The following TEX26 variants were observed in gnomAD, a reference collection of about 807,000 sequenced individuals.
TEX26 encodes testis expressed 26, also known as testis-expressed protein 26.
A neutral mutation model predicts 35.3 loss-of-function variants in TEX26; 34 were observed. That is an observed-to-expected ratio of 0.96 (90% CI 0.73 to 1.28). TEX26 has a LOEUF of 1.28. TEX26 is among the 50% of genes most tolerant of loss of function. TEX26 has a pLI of 0.00. For missense variants in TEX26, 371 were observed against 330.1 expected, an observed-to-expected ratio of 1.12 and a Z score of -0.96; for synonymous variants, 136 against 111.8, an observed-to-expected ratio of 1.22 and a Z score of -1.36.
intron 2 of TEX26, among the ~76,000 whole-genome samples, chr13:30,951,317 C>T (rs1331216269): frequency 6.7e-6 from 1 of 149,520 alleles, no homozygotes; most frequent in Non-Finnish European, 1.5e-5. Flanking sequence ...GATGGTACCA[C>T]TGCACTCCAG....
chr13:30,949,090 A>T (rs1380323739), intron 2 of TEX26, among the ~76,000 whole-genome samples: 1 of 152,066 alleles, frequency 6.6e-6, no homozygotes, highest in Non-Finnish European at 1.5e-5. Flanking sequence ...GTTCTGTTCC[A>T]TTGGTCTATA....
chr13:30,935,474 ACAG>A (rs72261916), intron 1 of TEX26, among the ~76,000 whole-genome samples: 2,826 of 152,322 alleles, frequency 0.019, 40 homozygotes, highest in African/African-American at 0.038. Context: ...AGGGAAGAGG[ACAG>A]CAGCCAGAGA....
intron 6 of TEX26, among the ~76,000 whole-genome samples, chr13:30,973,981 C>T (rs1388486324): frequency 6.6e-6 from 1 of 151,366 alleles, no homozygotes. Context: ...ATTAGCTGGG[C>T]ATGGTGGTTC....
At chr13:30,947,277 T>C (rs1219921310) in intron 2 of TEX26, among the ~76,000 whole-genome samples, 1 of 152,186 alleles carries the variant, frequency 6.6e-6, no homozygotes, top group Non-Finnish European at 1.5e-5. Context: ...GTTTTGAGCA[T>C]TGTTATTTTC....
intron 1 of TEX26, among the ~76,000 whole-genome samples, chr13:30,935,588 G>T (rs2138156990): frequency 6.6e-6 from 1 of 152,302 alleles, no homozygotes; most frequent in African/African-American, 2.4e-5. Context: ...AGAAAGGAAG[G>T]AGTACCCTCT....
chr13:30,940,322 C>CTTTTTTTTTTTTT lies in TEX26; in HGVS notation c.146+561_146+573dup, dbSNP rs869246492. ...GTGGGAGTTTCTAAACATCAGCTGC[C>CTTTTTTTTTTTTT]TTTTTTTTTTTTTTTTTTTTTTTTT... On this transcript the variant is annotated intron_variant, in intron 2 of 6. Coordinates refer to ENST00000380473, the MANE Select transcript of TEX26 (RefSeq NM_152325.3). 7.9e-4 allele frequency among the ~76,000 whole-genome samples: 41 copies of CTTTTTTTTTTTTT among 52,078 alleles called. 10 individuals are homozygous for CTTTTTTTTTTTTT. Among genetic ancestry groups the CTTTTTTTTTTTTT allele is most frequent in the East Asian group, 1.3e-3 (2 of 1,514 alleles). 34.2% of individuals were successfully genotyped at this position (52,078 alleles called of 152,430 possible).
intron 1 of TEX26, 151 bp from the exon 2 acceptor site, chr13:30,939,543 G>C: frequency 3.4e-6 from 2 of 593,456 alleles, no homozygotes; most frequent in African/African-American, 1.9e-5. Context: ...ATTCCTATTA[G>C]AGGCTGTATT....
Position 30,954,045 on chromosome 13 carries a change from G to A in TEX26, c.312+1220G>A, listed in dbSNP as rs565061893. Among the ~76,000 whole-genome samples, 4 of 152,284 alleles carry A rather than the reference G, an allele frequency of 2.6e-5. No individual in the cohort carries two copies. In the South Asian group the frequency reaches 8.3e-4, roughly 32 times the overall value. On this transcript the variant is annotated intron_variant, in intron 3 of 6. Transcript: ENST00000380473. ...ATGGTGGAGGACCAGGTTGGGTGGA[G>A]AAGGGCATTGGGGGAACATGTAGTT...
chr13:30,957,763 G>C (rs1036255202), intron 4 of TEX26, among the ~76,000 whole-genome samples: 6 of 152,314 alleles, frequency 3.9e-5, no homozygotes, highest in South Asian at 2.1e-4. Context: ...GTGGCTTTTG[G>C]CTCACATTGT....
chr13:30,958,179 GTAGAGATGACATCA>G (rs1954208077), intron 4 of TEX26, among the ~76,000 whole-genome samples: 1 of 152,176 alleles, frequency 6.6e-6, no homozygotes, highest in African/African-American at 2.4e-5. Context: ...TGTAGGGTAA[GTAGAGATGACATCA>G]TAGCTTCCAT....
chr13:30,968,785 TG>T, intron 5 of TEX26, 99 bp from the exon 6 acceptor site: 1 of 1,126,132 alleles, frequency 8.9e-7, no homozygotes, highest in South Asian at 1.6e-5. Flanking sequence ...AGCTCAAAGC[TG>T]GGCTGGGGGC....
chr13:30,956,729 T>A (rs1954145712), intron 3 of TEX26, 144 bp from the exon 4 acceptor site: 2 of 687,842 alleles, frequency 2.9e-6, no homozygotes, highest in African/African-American at 3.6e-5. Flanking sequence ...TGTCTCCTGT[T>A]GACGGGCTCC....
intron 4 of TEX26, among the ~76,000 whole-genome samples, chr13:30,959,714 A>G (rs548520128): frequency 2.6e-5 from 4 of 152,358 alleles, no homozygotes; most frequent in African/African-American, 9.6e-5. Context: ...TTTTCCAAAC[A>G]CAATGACAGA....
chr13:30,939,034 T>C (rs1334773139), intron 1 of TEX26, among the ~76,000 whole-genome samples: 1 of 152,230 alleles, frequency 6.6e-6, no homozygotes, highest in Non-Finnish European at 1.5e-5. Context: ...GAGTTTTCTA[T>C]CACACACTGT....
At chr13:30,974,724 T>C in intron 6 of TEX26, 122 bp from the exon 7 acceptor site, 1 of 938,568 alleles carries the variant, frequency 1.1e-6, no homozygotes, top group South Asian at 1.7e-5. Context: ...ATTATTTTGG[T>C]CTTACCAAAT....
chr13:30,964,231 A>G (rs1414715584), intron 4 of TEX26, among the ~76,000 whole-genome samples: 1 of 152,132 alleles, frequency 6.6e-6, no homozygotes, highest in Non-Finnish European at 1.5e-5. Context: ...TTCACAATCT[A>G]AGTGCCTGGG....
intron 2 of TEX26, among the ~76,000 whole-genome samples, chr13:30,943,691 T>C (rs1331341937): frequency 1.3e-5 from 2 of 152,110 alleles, no homozygotes; most frequent in Non-Finnish European, 2.9e-5. Flanking sequence ...CTGGATTTTA[T>C]TGAATGCTTT....
chr13:30,942,947 A>G (rs1953568090), intron 2 of TEX26, among the ~76,000 whole-genome samples: 2 of 151,754 alleles, frequency 1.3e-5, no homozygotes, highest in Non-Finnish European at 2.9e-5. Context: ...TATTCTTTTT[A>G]CTTAGGATTG....
chr13:30,933,001 A>C, intron 1 of TEX26: 1 of 468,538 alleles, frequency 2.1e-6, no homozygotes, highest in Non-Finnish European at 3.8e-6. Flanking sequence ...GCTCCCTAAA[A>C]CGCGCAGGGT....
Sources: gnomAD v4.1 joint callset for allele counts (sites outside exome capture counted in the v4.1 genomes callset) on GRCh38, gnomAD v4.1.1 for gene constraint, MANE v1.5 for transcripts, NCBI Gene and HGNC (gene_info 2026-07-23, HGNC 2026-07-21) for gene names.